Variants in SCAMP3 observed in about 807,000 individuals in gnomAD.
The protein encoded by SCAMP3 is secretory carrier membrane protein 3.
In SCAMP3, 30 loss-of-function variants were observed where a neutral mutation model predicts 44.1. The ratio of observed to expected loss-of-function variants is 0.68; its 90% CI spans 0.51 to 0.92. The LOEUF is 0.92. SCAMP3 is among the 40% of genes least tolerant of loss of function. The pLI is 0.00. For missense variants in SCAMP3, 394 were observed against 440.0 expected, an observed-to-expected ratio of 0.90 and a Z score of 0.93; for synonymous variants, 168 against 171.1, an observed-to-expected ratio of 0.98 and a Z score of 0.14.
Position 155,256,303 on chromosome 1 carries a change from C to G in SCAMP3, c.1014G>C (p.Gly338=). 6.3e-7 allele frequency: 1 copy of G among 1,594,612 alleles called. No individual in the cohort carries two copies. The highest frequency in any genetic ancestry group is 8.6e-7 in the Non-Finnish European group (1 of 1,166,222). ...GGGCCCGGAAGGCATTTTCAGCAGCCCCAGCGGCTGCATTGGCAGCTGCGG... is the reference window on the plus strand; with the variant it reads ...GGGCCCGGAAGGCATTTTCAGCAGCGCCAGCGGCTGCATTGGCAGCTGCGG... ...VRTAAANAAA[G]AAENAFRAP Residue 338 remains glycine, a synonymous_variant, in exon 9 of 9, where the codon GGG becomes GGC. Transcript: ENST00000302631.
chr1:155,257,566 G>A lies in SCAMP3; in HGVS notation c.609C>T (p.Ile203=), dbSNP rs758610670. The A allele has an allele frequency of 2.5e-6, 4 of 1,608,168 alleles. No homozygotes were observed. The Admixed American group carries it at 5.1e-5, about 20-fold the overall frequency. The change falls in exon 6 of 9, where the codon ATC becomes ATT. Residue 203 remains isoleucine (I), a synonymous_variant. Transcript: ENST00000302631. ...AGGGAGTGAAAAGGAGGACCCAGAG[G>A]ATAGAAAGCCCAAAGCCTGCGCCAT... ...TNNGAGFGLS[I]LWVLLFTPCS...
Position 155,256,351 on chromosome 1 carries a change from G to C in SCAMP3, c.966C>G (p.Val322=), listed in dbSNP as rs754617388. ...CGGTTCGCACCGCAGGGTTGGAGAAGACACCAGCAGCAAATTCTTGCTGGG... is the reference window on the plus strand; with the variant it reads ...CGGTTCGCACCGCAGGGTTGGAGAACACACCAGCAGCAAATTCTTGCTGGG... ...QKAQQEFAAG[V]FSNPAVRTAA... Residue 322 remains valine, a synonymous_variant, in exon 9 of 9, where the codon GTC becomes GTG. Transcript: ENST00000302631. The C allele has an allele frequency of 5.0e-5, 81 of 1,609,496 alleles. No individual in the cohort carries two copies. The highest frequency in any genetic ancestry group is 1.0e-4 in the Admixed American group (6 of 59,744).
Position 155,256,061 on chromosome 1 carries a change from G to A in SCAMP3, c.*212C>T. ...CAGCAGAGGGAAGCTGGGTTGGGGCGTGTGAGAGGTGGCAGCAGTGTGGCC... is the reference window on the plus strand; with the variant it reads ...CAGCAGAGGGAAGCTGGGTTGGGGCATGTGAGAGGTGGCAGCAGTGTGGCC... On this transcript the variant is annotated 3_prime_UTR_variant, in exon 9 of 9. Coordinates refer to ENST00000302631, the MANE Select transcript of SCAMP3 (RefSeq NM_005698.4). 2.3e-6 allele frequency: 1 copy of A among 428,154 alleles called. No homozygotes were observed. The highest frequency in any genetic ancestry group is 3.5e-5 in the East Asian group (1 of 28,666). The allele number at this position is 428,154 out of a possible 1,614,324, so 26.5% of individuals were successfully genotyped here.
intron 5 of SCAMP3, 61 bp from the exon 6 acceptor site, chr1:155,257,718 T>C: frequency 6.9e-7 from 1 of 1,447,824 alleles, no homozygotes; most frequent in Non-Finnish European, 9.5e-7. Flanking sequence ...CTCCTTCCCA[T>C]CTATGCTCAT....
At chr1:155,257,708 C>A in intron 5 of SCAMP3, 51 bp from the exon 6 acceptor site, 1 of 1,504,468 alleles carries the variant, frequency 6.6e-7, no homozygotes, top group African/African-American at 1.4e-5. Context: ...GCAATGAAGG[C>A]TCCTTCCCAT....
Position 155,257,637 on chromosome 1 carries a change from G to A in SCAMP3, c.538C>T (p.Leu180=). 1.9e-6 allele frequency: 3 copies of A among 1,565,194 alleles called. No individual in the cohort carries two copies. Among genetic ancestry groups the A allele is most frequent in the East Asian group, 2.4e-5 (1 of 42,276 alleles). The change falls in exon 6 of 9, where the codon CTG becomes TTG. Residue 180 remains leucine (L), a synonymous_variant. Transcript: ENST00000302631. ...LWMCSTLALL[L]NFLACLASFC... is the part of the protein sequence containing the mutation. ...CTGGCCAGGCAGGCGAGGAAGTTCA[G>A]GAGAAGAGCCAGCGTGCTGCCTAAG...
rs1168740271 is a variant in SCAMP3 at position 155,257,515 on chromosome 1, G to A, written c.660C>T (p.Pro220=). 2 of 1,613,314 alleles carry A rather than the reference G, an allele frequency of 1.2e-6. No individual in the cohort carries two copies. The highest frequency in any genetic ancestry group is 2.2e-5 in the East Asian group (1 of 44,880). ...TPCSFVCWYR[P]MYKAFRSDSS... ...ACACTTACCGGAAAGCCTTATACATGGGGCGGTACCAGCAGACAAAGGAGC... is the reference window on the plus strand; with the variant it reads ...ACACTTACCGGAAAGCCTTATACATAGGGCGGTACCAGCAGACAAAGGAGC... Residue 220 remains proline, a synonymous_variant, in exon 6 of 9, where the codon CCC becomes CCT. Transcript: ENST00000302631.
chr1:155,257,175 C>T (rs2148117782), intron 7 of SCAMP3, 110 bp downstream of exon 7: 1 of 718,698 alleles, frequency 1.4e-6, no homozygotes, highest in Non-Finnish European at 2.4e-6. Flanking sequence ...TAAACTAGTA[C>T]CTCCCAAGGA....
chr1:155,257,691 C>G, intron 5 of SCAMP3, 34 bp from the exon 6 acceptor site: 1 of 1,544,964 alleles, frequency 6.5e-7, no homozygotes, highest in Non-Finnish European at 8.8e-7. Flanking sequence ...AGGAGCCCTT[C>G]TGGACTGCAA....
Position 155,257,353 on chromosome 1 carries a change from G to A in SCAMP3, c.711C>T (p.Phe237=). ...GCACATCCTGGACGAAGAAAATGAA[G>A]AAGAAAACGAAGAAATTGAATGAAC... The part of the protein sequence containing the change: ...SDSSFNFFVF[F]FIFFVQDVLF... Residue 237 remains phenylalanine (F), a synonymous_variant, in exon 7 of 9, where the codon TTC becomes TTT. Coordinates refer to ENST00000302631, the MANE Select transcript of SCAMP3 (RefSeq NM_005698.4). 6.2e-7 allele frequency: 1 copy of A among 1,613,932 alleles called. No individual in the cohort carries two copies. The highest frequency in any genetic ancestry group is 8.5e-7 in the Non-Finnish European group (1 of 1,179,904).
rs758187140 is a variant in SCAMP3, at chr1:155,257,993, C to T, written c.518-336G>A. Among the ~76,000 whole-genome samples, 13 of 151,408 alleles carry T rather than the reference C, an allele frequency of 8.6e-5. No homozygotes were observed. The East Asian group carries it at 2.0e-3, about 23-fold the overall frequency. ...CAGAGTAGCTGGGACTACAGGCGCC[C>T]GCCACCACGCCCAGCTAATTTTTTT... On this transcript the variant is annotated intron_variant, in intron 5 of 8. Coordinates refer to ENST00000302631, the MANE Select transcript of SCAMP3 (RefSeq NM_005698.4).
intron 1 of SCAMP3, 166 bp downstream of exon 1, chr1:155,261,920 C>G (rs1672976466): frequency 3.7e-6 from 3 of 811,016 alleles, no homozygotes; most frequent in African/African-American, 1.7e-5. Context: ...CATTAAGGGG[C>G]AGGGCCCGCC....
At chr1:155,259,468 C>T (rs186900220) in intron 4 of SCAMP3, among the ~76,000 whole-genome samples, 1 of 152,336 alleles carries the variant, frequency 6.6e-6, no homozygotes, top group African/African-American at 2.4e-5. Flanking sequence ...CGGCGCCTGG[C>T]CGTCCACCTC....
intron 2 of SCAMP3, 152 bp downstream of exon 2, chr1:155,261,505 G>T (rs1258792882): frequency 2.7e-6 from 2 of 737,562 alleles, no homozygotes; most frequent in Admixed American, 2.0e-5. Context: ...GAAGGATGAG[G>T]CATCCCATGG....
At chr1:155,257,242 G>T in intron 7 of SCAMP3, 43 bp downstream of exon 7, 2 of 1,321,832 alleles carry the variant, frequency 1.5e-6, no homozygotes, top group Non-Finnish European at 2.2e-6. Flanking sequence ...AGTGCTGGCT[G>T]GATCTAGAGG....
chr1:155,259,626 A>G (rs1385046640), intron 4 of SCAMP3, among the ~76,000 whole-genome samples: 1 of 152,118 alleles, frequency 6.6e-6, no homozygotes, highest in Non-Finnish European at 1.5e-5. Context: ...CGGCCTCCCA[A>G]AGTGTTGGAA....
Position 155,256,213 on chromosome 1 carries a change from T to G in SCAMP3, c.*60A>C. On this transcript the variant is annotated 3_prime_UTR_variant, in exon 9 of 9. Coordinates refer to ENST00000302631, the MANE Select transcript of SCAMP3 (RefSeq NM_005698.4). ...ATGTCTCTCCAAGTCCCAGAGACCT[T>G]AGGGACGGGAGCTAAGTCAGCTCCC... 2.0e-6 allele frequency: 3 copies of G among 1,478,220 alleles called. No homozygotes were observed. Among genetic ancestry groups the G allele is most frequent in the Non-Finnish European group, 2.7e-6 (3 of 1,101,766 alleles). 91.6% of individuals were successfully genotyped at this position (1,478,220 alleles called of 1,614,324 possible).
At chr1:155,258,005 C>T (rs2148119159) in intron 5 of SCAMP3, among the ~76,000 whole-genome samples, 1 of 148,026 alleles carries the variant, frequency 6.8e-6, no homozygotes, top group South Asian at 2.2e-4. Flanking sequence ...CCACCACGCC[C>T]AGCTAATTTT....
chr1:155,258,707 T>G, intron 5 of SCAMP3, 119 bp downstream of exon 5: 1 of 915,962 alleles, frequency 1.1e-6, no homozygotes, highest in Non-Finnish European at 1.6e-6. Context: ...GGCAAGAACA[T>G]TTGCTAGCAG....
Sources: allele counts gnomAD v4.1 joint callset (sites outside exome capture counted in the v4.1 genomes callset), GRCh38; gene constraint gnomAD v4.1.1; transcripts MANE v1.5; gene names NCBI Gene and HGNC (gene_info 2026-07-23, HGNC 2026-07-21).